The following BCL2 variants were observed in gnomAD, a reference collection of about 807,000 sequenced individuals.
BCL2 encodes BCL2 apoptosis regulator, also known as apoptosis regulator Bcl-2.
In BCL2, 1 loss-of-function variant was observed where a neutral mutation model predicts 14.2. That is an observed-to-expected ratio of 0.07 (90% CI 0.02 to 0.33). The LOEUF is 0.33. Ranked by LOEUF, BCL2 falls within the 10% of genes least tolerant of loss-of-function variation. The pLI is 0.99. For synonymous variants in BCL2, 151 were observed against 137.2 expected, an observed-to-expected ratio of 1.10 and a Z score of -0.70; for missense variants, 247 against 305.9, an observed-to-expected ratio of 0.81 and a Z score of 1.44.
At chr18:63,299,966 C>T (rs191288594) in intron 2 of BCL2, among the ~76,000 whole-genome samples, 4 of 152,080 alleles carry the variant, frequency 2.6e-5, no homozygotes, top group Non-Finnish European at 4.4e-5. Context: ...ACTGTCCCCC[C>T]CAAGGCCAGA....
intron 2 of BCL2, among the ~76,000 whole-genome samples, chr18:63,144,323 G>A (rs1914451466): frequency 2.0e-5 from 3 of 152,084 alleles, no homozygotes; most frequent in Admixed American, 2.0e-4. Context: ...ATTTAACTGT[G>A]GTGCCAAAGC....
chr18:63,239,384 T>A (rs916939601), intron 2 of BCL2, among the ~76,000 whole-genome samples: 2 of 152,170 alleles, frequency 1.3e-5, no homozygotes, highest in African/African-American at 4.8e-5. Context: ...TCTGTCTGCA[T>A]CCAATTCGAG....
chr18:63,210,417 C>T (rs1234084496), intron 2 of BCL2, among the ~76,000 whole-genome samples: 1 of 152,188 alleles, frequency 6.6e-6, no homozygotes, highest in African/African-American at 2.4e-5. Flanking sequence ...AAGATTAGCT[C>T]TGAGTCTTTA....
intron 2 of BCL2, among the ~76,000 whole-genome samples, chr18:63,138,705 G>A (rs994200019): frequency 6.6e-6 from 1 of 152,204 alleles, no homozygotes; most frequent in Non-Finnish European, 1.5e-5. Context: ...AATGACATTC[G>A]TGAAACCTAA....
chr18:63,177,133 T>A (rs1915369416), intron 2 of BCL2, among the ~76,000 whole-genome samples: 1 of 151,970 alleles, frequency 6.6e-6, no homozygotes, highest in African/African-American at 2.4e-5. Flanking sequence ...ATCAGGCTGG[T>A]CTCAAACTCT....
In BCL2 at chr18:63,222,310, G is replaced by T. The variant is rs1345610700; in HGVS notation, c.586-93551C>A. ...AAAAGAAAAAGAAAAAAGAAAGAAA[G>T]AAAGAAAAAAGAAACAAAGAAAAGG... On this transcript the variant is annotated intron_variant, in intron 2 of 2. Transcript: ENST00000333681. 3.5e-5 allele frequency among the ~76,000 whole-genome samples: 5 copies of T among 144,434 alleles called. No homozygotes were observed. In the East Asian group the frequency reaches 1.0e-3, roughly 29 times the overall value. 94.8% of individuals were successfully genotyped at this position (144,434 alleles called of 152,430 possible). A position where few individuals can be genotyped will look rare whatever the true frequency, so the allele number is the denominator to read the frequency against.
chr18:63,194,317 G>A (rs1375892697), intron 2 of BCL2, among the ~76,000 whole-genome samples: 1 of 149,950 alleles, frequency 6.7e-6, no homozygotes, highest in Non-Finnish European at 1.5e-5. Flanking sequence ...TAATGGAAGA[G>A]ATACATTTTT....
At chr18:63,142,847 AC>A (rs2144599050) in intron 2 of BCL2, among the ~76,000 whole-genome samples, 1 of 152,364 alleles carries the variant, frequency 6.6e-6, no homozygotes, top group Non-Finnish European at 1.5e-5. Context: ...GAAAGACTCA[AC>A]ATGAATAAAA....
intron 2 of BCL2, among the ~76,000 whole-genome samples, chr18:63,256,213 T>C (rs1261961158): frequency 2.0e-5 from 3 of 152,278 alleles, no homozygotes; most frequent in Admixed American, 6.5e-5. Flanking sequence ...GACAACATTA[T>C]GGAAAAAAAT....
At chr18:63,163,009 TA>T (rs1914961035) in intron 2 of BCL2, among the ~76,000 whole-genome samples, 1 of 152,296 alleles carries the variant, frequency 6.6e-6, no homozygotes, top group South Asian at 2.1e-4. Context: ...CATGTGCCAC[TA>T]TGTCTGGCTA....
In BCL2 at chr18:63,317,476, T is replaced by A. The variant is rs146874765; in HGVS notation, c.585+606A>T. ...AGATTCCAGTCCAAGGACTTTGGAA[T>A]GTCAACTTAGCTCTTTACAAACACA... On this transcript the variant is annotated intron_variant, in intron 2 of 2. Transcript: ENST00000333681. The A allele has an allele frequency of 2.4e-5, 22 of 909,362 alleles. No homozygotes were observed. The East Asian group carries it at 2.4e-3, about 98-fold the overall frequency. 56.3% of individuals were successfully genotyped at this position (909,362 alleles called of 1,614,324 possible).
At chr18:63,243,418 G>A (rs950181109) in intron 2 of BCL2, among the ~76,000 whole-genome samples, 1 of 152,094 alleles carries the variant, frequency 6.6e-6, no homozygotes, top group African/African-American at 2.4e-5. Context: ...TGAGTACTGG[G>A]CTTAAAACCT....
At chr18:63,292,445 C>T (rs1029093025) in intron 2 of BCL2, among the ~76,000 whole-genome samples, 1 of 152,038 alleles carries the variant, frequency 6.6e-6, no homozygotes, top group African/African-American at 2.4e-5. Context: ...GACAAAATAC[C>T]TTTAGAAAGG....
At chr18:63,317,783 T>A in intron 2 of BCL2, 1 of 1,253,822 alleles carries the variant, frequency 8.0e-7, no homozygotes, top group Non-Finnish European at 1.0e-6. Flanking sequence ...GACCTTCAGC[T>A]TGAGAAACAC....
At chr18:63,214,692 CTTTT>C (rs1185969866) in intron 2 of BCL2, among the ~76,000 whole-genome samples, 2 of 150,876 alleles carry the variant, frequency 1.3e-5, no homozygotes, top group South Asian at 2.1e-4. Context: ...CATTTCTTTT[CTTTT>C]TTATTTATTT....
intron 2 of BCL2, among the ~76,000 whole-genome samples, chr18:63,164,862 G>A (rs1915005480): frequency 6.6e-6 from 1 of 152,198 alleles, no homozygotes; most frequent in Non-Finnish European, 1.5e-5. Flanking sequence ...AAGAGAGACT[G>A]TGAAATCCTC....
At chr18:63,240,282 C>T (rs895320565) in intron 2 of BCL2, among the ~76,000 whole-genome samples, 1 of 152,202 alleles carries the variant, frequency 6.6e-6, no homozygotes, top group Non-Finnish European at 1.5e-5. Flanking sequence ...AGCCACTGCA[C>T]CCAGCCTATC....
intron 2 of BCL2, among the ~76,000 whole-genome samples, chr18:63,269,969 A>G (rs1911957079): frequency 6.6e-6 from 1 of 152,180 alleles, no homozygotes; most frequent in African/African-American, 2.4e-5. Context: ...TCCACCTTTG[A>G]AATGTATATA....
rs116269009 is a variant in BCL2, at chr18:63,280,651, G to T, written c.585+37431C>A. 8.0e-3 allele frequency among the ~76,000 whole-genome samples: 1,224 copies of T among 152,318 alleles called. 20 individuals carry two copies. Among genetic ancestry groups the T allele is most frequent in the African/African-American group, 0.028 (1,166 of 41,578 alleles). ...AATAAGTTAACCACTTCACACTCATGAAGAGGGCCATCTTGAAAAACCAGA... is the reference window on the plus strand; with the variant it reads ...AATAAGTTAACCACTTCACACTCATTAAGAGGGCCATCTTGAAAAACCAGA... On this transcript the variant is annotated intron_variant, in intron 2 of 2. Transcript: ENST00000333681.
Sources: allele counts gnomAD v4.1 joint callset (sites outside exome capture counted in the v4.1 genomes callset), GRCh38; gene constraint gnomAD v4.1.1; transcripts MANE v1.5; gene names NCBI Gene and HGNC (gene_info 2026-07-23, HGNC 2026-07-21).